Variants in CAV1 observed in about 807,000 individuals in gnomAD.
CAV1 encodes the protein caveolin-1.
Under a neutral mutation model 16.5 loss-of-function variants are expected in CAV1, and 10 were observed. That is an observed-to-expected ratio of 0.61 (90% confidence interval 0.37 to 1.03). The LOEUF is 1.03. Ranked by LOEUF, CAV1 falls within the 50% of genes least tolerant of loss-of-function variation. The pLI, the probability that CAV1 is intolerant of heterozygous loss-of-function variation, is 0.01. For synonymous variants in CAV1, 76 were observed against 85.1 expected (o/e 0.89, Z 0.59); for missense variants, 212 against 232.8 (o/e 0.91, Z 0.58).
chr7:116,525,221 G>A (rs762911095), intron 1 of CAV1, 129 bp downstream of exon 1: 2 of 1,612,462 alleles, frequency 1.2e-6, no homozygotes, highest in East Asian at 4.5e-5. Context: ...CTCCTCTGGC[G>A]TTGGCACCGC....
At chr7:116,539,211 C>T (rs563413711) in intron 2 of CAV1, among the ~76,000 whole-genome samples, 1 of 152,248 alleles carries the variant, frequency 6.6e-6, no homozygotes, top group Admixed American at 6.5e-5. Context: ...CCCCGCCATC[C>T]TTTGTTTTTA....
chr7:116,546,868 G>A (rs1179048337), intron 2 of CAV1, among the ~76,000 whole-genome samples: 1 of 152,062 alleles, frequency 6.6e-6, no homozygotes, highest in East Asian at 1.9e-4. Flanking sequence ...GAAATTTCTT[G>A]GGGACAAATT....
rs1383694199 is a variant in CAV1 at position 116,555,562 on chromosome 7, A to G, written c.196-3384A>G. 5.7e-3 allele frequency among the ~76,000 whole-genome samples: 461 copies of G among 81,454 alleles called. 57 individuals carry two copies. The highest frequency in any genetic ancestry group is 7.9e-3 in the Non-Finnish European group (316 of 39,770). The allele number at this position is 81,454 out of a possible 152,430, so 53.4% of individuals were successfully genotyped here. ...AGAGAGAGAAAGAAAGAAAGAAAGA[A>G]AGAAAGAAAGAAAGAAAGAAAGAAA... On this transcript the variant is annotated intron_variant, in intron 2 of 2. Coordinates refer to ENST00000341049, the MANE Select transcript of CAV1 (RefSeq NM_001753.5).
At chr7:116,525,140 G>A (rs763076035) in intron 1 of CAV1, 48 bp downstream of exon 1, 4 of 1,613,992 alleles carry the variant, frequency 2.5e-6, no homozygotes, top group Non-Finnish European at 3.4e-6. Flanking sequence ...GGGAGTGTCC[G>A]CTTCTGCTAT....
intron 2 of CAV1, among the ~76,000 whole-genome samples, chr7:116,543,609 GGTTTTGTTTTGTTTTTTTGTTTT>G: frequency 6.6e-6 from 1 of 152,202 alleles, no homozygotes; most frequent in Non-Finnish European, 1.5e-5. Flanking sequence ...TTCAGGTTTG[GGTTTTGTTTTGTTTTTTTGTTTT>G]GTTTTGTTTT....
chr7:116,525,337 A>AG (rs1211566239), intron 1 of CAV1: 1 of 1,545,416 alleles, frequency 6.5e-7, no homozygotes, highest in Non-Finnish European at 8.7e-7. Context: ...GACACGGAAA[A>AG]GGGGATTGGG....
intron 2 of CAV1, among the ~76,000 whole-genome samples, chr7:116,550,442 C>A (rs373357250): frequency 2.2e-4 from 34 of 152,294 alleles, no homozygotes; most frequent in African/African-American, 7.7e-4. Flanking sequence ...CAGTACAATC[C>A]AGGCCTCCTG....
At position 116,560,847 on chromosome 7, in the gene CAV1, G is replaced by A. The variant is rs35617054; in HGVS notation, c.*1560G>A. ...AACCTGTTACCTACTTTGACTTTTT[G>A]CATTTAAAACAGACACTGGCATGGA... On this transcript the variant is annotated 3_prime_UTR_variant, in exon 3 of 3. Coordinates refer to ENST00000341049, the MANE Select transcript of CAV1 (RefSeq NM_001753.5). 3 of 152,316 alleles carry A rather than the reference G, an allele frequency of 2.0e-5. No individual in the cohort carries two copies. The East Asian group carries it at 5.8e-4, about 29-fold the overall frequency. 9.4% of individuals were successfully genotyped at this position (152,316 alleles called of 1,614,324 possible).
rs771262509 is a variant in CAV1, at chr7:116,526,685, T to A, written c.191T>A (p.Val64Asp). The A allele has an allele frequency of 1.2e-6, 2 of 1,614,004 alleles. No homozygotes were observed. The highest frequency in any genetic ancestry group is 1.7e-6 in the Non-Finnish European group (2 of 1,180,002). Residue 64 changes from valine (V) to aspartate (D), a missense_variant, in exon 2 of 3, where the codon GTC becomes GAC. Coordinates refer to ENST00000341049, the MANE Select transcript of CAV1 (RefSeq NM_001753.5). The stretch of plus-strand genomic sequence containing the variant: ...CCTAAACACCTCAACGATGACGTGG[T>A]CAAGGTAAGCCAAGGCGACCAACAG... ...RDPKHLNDDVVKIDFEDVIAE... is the reference protein window; with the variant it reads ...RDPKHLNDDVDKIDFEDVIAE...
Position 116,526,255 on chromosome 7 carries a change from A to T in CAV1, c.31-270A>T. The stretch of plus-strand genomic sequence containing the variant: ...GGACCGCGCGGCGGGGCCTGCCCTG[A>T]CCCCTGGCGGCGGGCGGGGGAGGCA... On this transcript the variant is annotated intron_variant, in intron 1 of 2. Coordinates refer to ENST00000341049, the MANE Select transcript of CAV1 (RefSeq NM_001753.5). 2.4e-6 allele frequency: 3 copies of T among 1,232,128 alleles called. No individual in the cohort carries two copies. In the South Asian group the frequency reaches 4.9e-5, roughly 20 times the overall value. 76.3% of individuals were successfully genotyped at this position (1,232,128 alleles called of 1,614,324 possible). A position where few individuals can be genotyped will look rare whatever the true frequency, so the allele number is the denominator to read the frequency against.
chr7:116,547,267 A>G (rs372754253), intron 2 of CAV1, among the ~76,000 whole-genome samples: 1 of 152,302 alleles, frequency 6.6e-6, no homozygotes, highest in African/African-American at 2.4e-5. Context: ...CAGGATGGAA[A>G]CTAGAAACGG....
At chr7:116,541,128 G>A (rs1793927929) in intron 2 of CAV1, among the ~76,000 whole-genome samples, 1 of 152,184 alleles carries the variant, frequency 6.6e-6, no homozygotes, top group Admixed American at 6.5e-5. Flanking sequence ...TCACATACAA[G>A]ATTCTGTACC....
intron 2 of CAV1, among the ~76,000 whole-genome samples, chr7:116,555,288 G>A (rs1264040420): frequency 6.6e-6 from 1 of 151,254 alleles, no homozygotes; most frequent in Non-Finnish European, 1.5e-5. Flanking sequence ...TCTACAAAAA[G>A]CAAAAAATTA....
intron 2 of CAV1, among the ~76,000 whole-genome samples, chr7:116,529,093 G>A (rs1793632070): frequency 1.3e-5 from 2 of 152,182 alleles, no homozygotes; most frequent in Non-Finnish European, 2.9e-5. Flanking sequence ...GCCTCCCAAA[G>A]TGTTGGGATT....
At chr7:116,525,115 C>T in intron 1 of CAV1, 23 bp downstream of exon 1, 1 of 1,614,168 alleles carries the variant, frequency 6.2e-7, no homozygotes, top group South Asian at 1.1e-5. Context: ...GGGGGGGCGC[C>T]GGCTCGGGCG....
At chr7:116,533,761 T>C (rs1219256029) in intron 2 of CAV1, among the ~76,000 whole-genome samples, 1 of 152,246 alleles carries the variant, frequency 6.6e-6, no homozygotes, top group African/African-American at 2.4e-5. Flanking sequence ...TCTTTATATC[T>C]TTAGTCCAAA....
At chr7:116,549,051 G>C (rs1794107291) in intron 2 of CAV1, among the ~76,000 whole-genome samples, 1 of 152,194 alleles carries the variant, frequency 6.6e-6, no homozygotes, top group African/African-American at 2.4e-5. Flanking sequence ...TCATTCTAAA[G>C]AGTATGCCTG....
intron 2 of CAV1, among the ~76,000 whole-genome samples, chr7:116,528,013 T>C (rs1167773331): frequency 2.2e-5 from 2 of 92,208 alleles, no homozygotes; most frequent in African/African-American, 3.2e-5. Context: ...AACTAGAAAA[T>C]AGAATTGCTA....
chr7:116,536,282 A>G (rs1793811711), intron 2 of CAV1, among the ~76,000 whole-genome samples: 1 of 150,698 alleles, frequency 6.6e-6, no homozygotes, highest in African/African-American at 2.5e-5. Flanking sequence ...ACAACTCCCA[A>G]CAACCATTTA....
Sources: allele counts gnomAD v4.1 joint callset (sites outside exome capture counted in the v4.1 genomes callset), GRCh38; gene constraint gnomAD v4.1.1; transcripts MANE v1.5; gene names NCBI Gene and HGNC (gene_info 2026-07-23, HGNC 2026-07-21).